The following FAM117B variants were observed in gnomAD, a reference collection of about 807,000 sequenced individuals.
FAM117B encodes protein FAM117B.
FAM117B carries 22 observed loss-of-function variants against 52.8 expected under a neutral mutation model. The observed-to-expected ratio is 0.42, with a 90% CI of 0.30 to 0.59. The LOEUF (loss-of-function observed/expected upper bound fraction) is 0.59. FAM117B is among the 20% of genes least tolerant of loss of function. The pLI is 0.22. For missense variants in FAM117B, 678 were observed against 802.6 expected, an observed-to-expected ratio of 0.84 and a Z score of 1.88; for synonymous variants, 309 against 324.1, an observed-to-expected ratio of 0.95 and a Z score of 0.50.
At chr2:202,694,422 C>A (rs1690678707) in intron 1 of FAM117B, among the ~76,000 whole-genome samples, 1 of 151,680 alleles carries the variant, frequency 6.6e-6, no homozygotes, top group South Asian at 2.1e-4. Context: ...AACTTCTGAC[C>A]TCAGGTGATC....
chr2:202,765,371 T>C, intron 7 of FAM117B, 75 bp from the exon 8 acceptor site: 1 of 1,367,218 alleles, frequency 7.3e-7, no homozygotes. Context: ...AAAGAGCTTG[T>C]TTCCAAGCTT....
chr2:202,665,599 C>T (rs1203730651), intron 1 of FAM117B, among the ~76,000 whole-genome samples: 1 of 151,776 alleles, frequency 6.6e-6, no homozygotes, highest in African/African-American at 2.4e-5. Flanking sequence ...ACAGGAAATC[C>T]TCTTTTTGTT....
At chr2:202,752,642 C>G (rs911960164) in intron 4 of FAM117B, among the ~76,000 whole-genome samples, 3 of 152,068 alleles carry the variant, frequency 2.0e-5, no homozygotes, top group East Asian at 1.9e-4. Flanking sequence ...AAGAAACTTT[C>G]CTAAATGAAG....
In FAM117B at chr2:202,711,391, A is replaced by C. The variant is rs1210239041; in HGVS notation, c.754-13526A>C. Among the ~76,000 whole-genome samples, 4 of 152,014 alleles carry C rather than the reference A, an allele frequency of 2.6e-5. No homozygotes were observed. In the East Asian group the frequency reaches 7.7e-4, roughly 29 times the overall value. On this transcript the variant is annotated intron_variant, in intron 2 of 7. Transcript: ENST00000392238. ...TCTATTGAGATATTTTGCCCATTTT[A>C]AATTGGATTATTAGAGTTTTGCCTA...
intron 1 of FAM117B, among the ~76,000 whole-genome samples, chr2:202,689,459 A>G (rs929963669): frequency 2.8e-4 from 43 of 152,046 alleles, no homozygotes; most frequent in African/African-American, 1.0e-3. Flanking sequence ...AAAAGCAGTT[A>G]GCTCTGGATG....
At chr2:202,720,827 C>T (rs1163133536) in intron 2 of FAM117B, among the ~76,000 whole-genome samples, 3 of 151,976 alleles carry the variant, frequency 2.0e-5, no homozygotes, top group Middle Eastern at 6.3e-3. Context: ...AAGTAATTTG[C>T]GAGTTTTGGC....
chr2:202,698,468 G>T (rs2105777757), intron 2 of FAM117B, among the ~76,000 whole-genome samples: 1 of 152,110 alleles, frequency 6.6e-6, no homozygotes, highest in South Asian at 2.1e-4. Context: ...TGTTGCCTAG[G>T]TTGGAGTGCA....
Position 202,766,102 on chromosome 2 carries a change from A to ACACACACACACC in FAM117B, c.*343_*344insACACACCCACAC, listed in dbSNP as rs1553526375. 18 of 191,964 alleles carry ACACACACACACC rather than the reference A, an allele frequency of 9.4e-5. No homozygotes were observed. Among genetic ancestry groups the ACACACACACACC allele is most frequent in the Admixed American group, 2.3e-4 (4 of 17,144 alleles). The allele number at this position is 191,964 out of a possible 1,614,324, so 11.9% of individuals were successfully genotyped here. A position where few individuals can be genotyped will look rare whatever the true frequency, so the allele number is the denominator to read the frequency against. ...CACACACACACACACACACACACACACACACCCCTGATCCTTGCCAACATG... is the reference window on the plus strand; with the variant it reads ...CACACACACACACACACACACACACACACACACACACCCACACCCCTGATCCTTGCCAACATG... On this transcript the variant is annotated 3_prime_UTR_variant, in exon 8 of 8. Transcript: ENST00000392238.
At chr2:202,722,293 CG>C (rs1386099980) in intron 2 of FAM117B, among the ~76,000 whole-genome samples, 1 of 152,062 alleles carries the variant, frequency 6.6e-6, no homozygotes, top group Non-Finnish European at 1.5e-5. Flanking sequence ...TGAGCCACCA[CG>C]CCTGGCCCAA....
At chr2:202,663,408 TAG>T (rs1488245907) in intron 1 of FAM117B, among the ~76,000 whole-genome samples, 2 of 152,194 alleles carry the variant, frequency 1.3e-5, no homozygotes, top group Non-Finnish European at 2.9e-5. Flanking sequence ...CATTTATATA[TAG>T]AGAGTTTTAC....
At chr2:202,740,879 G>A (rs904019702) in intron 4 of FAM117B, among the ~76,000 whole-genome samples, 5 of 151,896 alleles carry the variant, frequency 3.3e-5, no homozygotes, top group African/African-American at 9.7e-5. Context: ...AAAAGCCCTT[G>A]GGAAATGTCC....
At chr2:202,732,771 A>G (rs961035940) in intron 4 of FAM117B, among the ~76,000 whole-genome samples, 3 of 152,064 alleles carry the variant, frequency 2.0e-5, no homozygotes, top group African/African-American at 7.2e-5. Flanking sequence ...TGCTGAGCTG[A>G]GATCGCACCA....
intron 2 of FAM117B, among the ~76,000 whole-genome samples, chr2:202,702,252 A>G (rs1173791141): frequency 6.6e-6 from 1 of 151,888 alleles, no homozygotes; most frequent in Non-Finnish European, 1.5e-5. Context: ...TTAGTGGGGC[A>G]TGGTGGTGTG....
chr2:202,757,188 C>T (rs1437642591), intron 5 of FAM117B, 25 bp from the exon 6 acceptor site: 1 of 1,604,614 alleles, frequency 6.2e-7, no homozygotes, highest in Non-Finnish European at 8.5e-7. Context: ...ATAAATATAC[C>T]TATGTTTTTA....
At chr2:202,670,230 A>C (rs922878792) in intron 1 of FAM117B, among the ~76,000 whole-genome samples, 4 of 152,168 alleles carry the variant, frequency 2.6e-5, no homozygotes, top group Non-Finnish European at 5.9e-5. Context: ...ATGAAAAGAG[A>C]AATAAGACAC....
chr2:202,676,191 G>A lies in FAM117B; in HGVS notation c.602-19690G>A, dbSNP rs571094192. ...GTCTGTGGCCAACAACAGTCAGCAC[G>A]GGACTGAGGTTTGCCAGTAGCCATA... is the stretch of plus-strand genomic sequence containing the variant. On this transcript the variant is annotated intron_variant, in intron 1 of 7. Transcript: ENST00000392238. Among the ~76,000 whole-genome samples, 4 of 151,992 alleles carry A rather than the reference G, an allele frequency of 2.6e-5. No homozygotes were observed. The South Asian group carries it at 8.3e-4, about 32-fold the overall frequency.
chr2:202,708,605 ATTAT>A (rs1480017722), intron 2 of FAM117B, among the ~76,000 whole-genome samples: 3 of 151,990 alleles, frequency 2.0e-5, no homozygotes, highest in East Asian at 1.9e-4. Context: ...TCCATTTTTA[ATTAT>A]TTGTTTTGTT....
At chr2:202,694,401 G>A (rs1690678364) in intron 1 of FAM117B, among the ~76,000 whole-genome samples, 1 of 151,604 alleles carries the variant, frequency 6.6e-6, no homozygotes, top group South Asian at 2.1e-4. Context: ...ATGTTGGCCA[G>A]GGTGGTCTCG....
At chr2:202,742,704 T>C (rs1391164954) in intron 4 of FAM117B, among the ~76,000 whole-genome samples, 2 of 152,164 alleles carry the variant, frequency 1.3e-5, no homozygotes, top group East Asian at 3.8e-4. Context: ...CAGAAAACAT[T>C]ATAAACCAAG....
Sources: allele counts gnomAD v4.1 joint callset (sites outside exome capture counted in the v4.1 genomes callset), GRCh38; gene constraint gnomAD v4.1.1; transcripts MANE v1.5; gene names NCBI Gene and HGNC (gene_info 2026-07-23, HGNC 2026-07-21).